Variants in ITSN2 observed in about 807,000 individuals in gnomAD.
ITSN2 encodes intersectin-2.
A neutral mutation model predicts 243.7 loss-of-function variants in ITSN2; 156 were observed. The observed-to-expected ratio is 0.64, with a 90% CI of 0.56 to 0.73. The LOEUF is 0.73. Ranked by LOEUF, ITSN2 falls within the 30% of genes least tolerant of loss-of-function variation. The probability of loss-of-function intolerance (pLI) is 0.00; values close to 1 mark genes in which losing one functional copy is unlikely to be tolerated. For missense variants in ITSN2, 1,801 were observed against 1,996.1 expected (o/e 0.90, Z 1.86); for synonymous variants, 703 against 699.9 (o/e 1.00, Z -0.07).
Position 24,298,722 on chromosome 2 carries a change from T to G in ITSN2, c.1437A>C (p.Glu479Asp), listed in dbSNP as rs1206525916. The change falls in exon 13 of 40, where the codon GAA becomes GAC. Residue 479 changes from glutamate (E) to aspartate (D), a missense_variant. Physicochemically the swap from Glu to Asp is conservative, Grantham distance 45. Transcript: ENST00000355123. The stretch of plus-strand genomic sequence containing the variant: ...TTTTAGAGTTTAACCTGACAATTTC[T>G]TCTTGTTCTCTATTCTTTTGATTGA... ...ELLNQKNREQ[E>D]EIVRLNSKKK... 7.4e-6 allele frequency: 12 copies of G among 1,613,268 alleles called. No homozygotes were observed. Among genetic ancestry groups the G allele is most frequent in the Middle Eastern group, 1.7e-4 (1 of 6,060 alleles).
intron 1 of ITSN2, chr2:24,330,520 A>C: frequency 1.4e-6 from 1 of 723,054 alleles, no homozygotes; most frequent in Non-Finnish European, 2.6e-6. Flanking sequence ...CCAGAGCCCA[A>C]GCCTGAAAAG....
intron 1 of ITSN2, among the ~76,000 whole-genome samples, chr2:24,352,415 AATT>A (rs1419940035): frequency 6.6e-6 from 1 of 152,206 alleles, no homozygotes; most frequent in Non-Finnish European, 1.5e-5. Flanking sequence ...GAGTTGTGCC[AATT>A]ATTAATAAAA....
chr2:24,301,649 C>A (rs1455511421), intron 10 of ITSN2, among the ~76,000 whole-genome samples: 2 of 151,872 alleles, frequency 1.3e-5, no homozygotes, highest in Non-Finnish European at 1.5e-5. Flanking sequence ...CCCCAGCTTC[C>A]AGAGTACCTA....
chr2:24,267,635 G>A (rs958011918), intron 20 of ITSN2, among the ~76,000 whole-genome samples: 1 of 152,132 alleles, frequency 6.6e-6, no homozygotes, highest in African/African-American at 2.4e-5. Flanking sequence ...GCTCACTGTA[G>A]CCTTGACCTC....
At chr2:24,331,522 T>C (rs1685782824) in intron 1 of ITSN2, among the ~76,000 whole-genome samples, 1 of 152,224 alleles carries the variant, frequency 6.6e-6, no homozygotes, top group South Asian at 2.1e-4. Flanking sequence ...AGAGAGTTCC[T>C]CTTGGCTCCC....
chr2:24,314,754 G>C (rs1163145208), intron 3 of ITSN2, among the ~76,000 whole-genome samples: 1 of 152,098 alleles, frequency 6.6e-6, no homozygotes, highest in Non-Finnish European at 1.5e-5. Flanking sequence ...AGTGCTTGGT[G>C]TAGCCTCAAA....
chr2:24,330,099 T>A (rs934231873), intron 1 of ITSN2, among the ~76,000 whole-genome samples: 1 of 152,200 alleles, frequency 6.6e-6, no homozygotes, highest in African/African-American at 2.4e-5. Flanking sequence ...TTGCAAATAA[T>A]GCATTTTCTA....
intron 2 of ITSN2, among the ~76,000 whole-genome samples, chr2:24,324,263 A>T (rs1032859154): frequency 2.0e-4 from 31 of 151,858 alleles, no homozygotes; most frequent in Non-Finnish European, 3.8e-4. Flanking sequence ...ATTAAATTAA[A>T]TTTTTTTTAA....
At chr2:24,223,860 AAG>A (rs1670744512) in intron 29 of ITSN2, among the ~76,000 whole-genome samples, 8 of 14,936 alleles carry the variant, frequency 5.4e-4, no homozygotes, top group African/African-American at 1.5e-3. Flanking sequence ...GAAAGAAAGA[AAG>A]GAAAGAAAGA....
chr2:24,358,528 A>G (rs1688660949), intron 1 of ITSN2, among the ~76,000 whole-genome samples: 1 of 152,226 alleles, frequency 6.6e-6, no homozygotes, highest in Non-Finnish European at 1.5e-5. Context: ...GGAGACAGCC[A>G]ATATGTGACC....
chr2:24,330,882 T>G (rs991586538), intron 1 of ITSN2, among the ~76,000 whole-genome samples: 23 of 151,886 alleles, frequency 1.5e-4, no homozygotes, highest in African/African-American at 5.3e-4. Context: ...TTCTCCTGCC[T>G]CAGCCTCCTG....
chr2:24,291,439 T>C (rs1024368267), intron 15 of ITSN2, among the ~76,000 whole-genome samples: 3 of 151,564 alleles, frequency 2.0e-5, no homozygotes, highest in African/African-American at 4.8e-5. Flanking sequence ...TATTCAGGAA[T>C]CTTTCACGTC....
intron 2 of ITSN2, among the ~76,000 whole-genome samples, chr2:24,319,585 G>A (rs143691592): frequency 1.9e-3 from 286 of 152,242 alleles, no homozygotes; most frequent in African/African-American, 6.2e-3. Flanking sequence ...AGCTGGTGGC[G>A]AGGACAAACA....
chr2:24,344,794 A>G (rs1357928567), intron 1 of ITSN2, among the ~76,000 whole-genome samples: 1 of 152,188 alleles, frequency 6.6e-6, no homozygotes, highest in Non-Finnish European at 1.5e-5. Context: ...TCTACTAAAA[A>G]TATAAAAATT....
intron 17 of ITSN2, among the ~76,000 whole-genome samples, chr2:24,276,334 T>C (rs1170450713): frequency 6.6e-6 from 1 of 152,202 alleles, no homozygotes; most frequent in Non-Finnish European, 1.5e-5. Context: ...CTGCCTAAAA[T>C]CATGACCACC....
At chr2:24,325,691 C>T (rs185118941) in intron 2 of ITSN2, among the ~76,000 whole-genome samples, 1 of 152,248 alleles carries the variant, frequency 6.6e-6, no homozygotes, top group Middle Eastern at 3.4e-3. Context: ...ATGTAATAAT[C>T]GTGTTAGAAA....
rs749918008 is a variant in ITSN2 at position 24,275,697 on chromosome 2, A to G, written c.2081+16T>C. 25 of 1,586,752 alleles carry G rather than the reference A, an allele frequency of 1.6e-5. No homozygotes were observed. Among genetic ancestry groups the G allele is most frequent in the South Asian group, 2.3e-5 (2 of 88,408 alleles). Reference sequence around the variant, plus strand: ...CTAATGGCAATATAGCACAATAAATATATCAGCTATATTACCTTGCAGCCT... The same window carrying G: ...CTAATGGCAATATAGCACAATAAATGTATCAGCTATATTACCTTGCAGCCT... On this transcript the variant is annotated intron_variant, in intron 18 of 39. Coordinates refer to ENST00000355123, the MANE Select transcript of ITSN2 (RefSeq NM_006277.3).
At chr2:24,294,677 CTCA>C (rs1250080968) in intron 14 of ITSN2, among the ~76,000 whole-genome samples, 4 of 152,150 alleles carry the variant, frequency 2.6e-5, no homozygotes, top group Non-Finnish European at 1.5e-5. Context: ...TATTCAAGTT[CTCA>C]TCATAATTTT....
chr2:24,309,838 A>G (rs1683032796), intron 7 of ITSN2, among the ~76,000 whole-genome samples: 1 of 152,220 alleles, frequency 6.6e-6, no homozygotes, highest in Non-Finnish European at 1.5e-5. Context: ...ACTACCCTGA[A>G]GAGTATAATA....
Sources: gnomAD v4.1 joint callset for allele counts (sites outside exome capture counted in the v4.1 genomes callset) on GRCh38, gnomAD v4.1.1 for gene constraint, MANE v1.5 for transcripts, NCBI Gene and HGNC (gene_info 2026-07-23, HGNC 2026-07-21) for gene names.